Variants in BRD4 observed in about 807,000 individuals in gnomAD.
The protein encoded by BRD4 is bromodomain-containing protein 4.
In BRD4, 16 loss-of-function variants were observed where a neutral mutation model predicts 142.1. The ratio of observed to expected loss-of-function variants is 0.11; its 90% CI spans 0.08 to 0.17. The LOEUF is 0.17. Ranked by LOEUF, BRD4 falls within the 10% of genes least tolerant of loss-of-function variation. The pLI is 1.00. For missense variants in BRD4, 1,424 were observed against 1,810.9 expected, an observed-to-expected ratio of 0.79 and a Z score of 3.88; for synonymous variants, 833 against 707.5, an observed-to-expected ratio of 1.18 and a Z score of -2.82.
At chr19:15,247,350 GAAGT>G (rs1330633483) in intron 11 of BRD4, 1 of 231,958 alleles carries the variant, frequency 4.3e-6, no homozygotes, top group Middle Eastern at 1.3e-3. Context: ...CTGCCAACAA[GAAGT>G]GAGTGGGCAC....
Position 15,257,112 on chromosome 19 carries a change from A to G in BRD4, c.1403T>C (p.Val468Ala), listed in dbSNP as rs1408984890. Residue 468 changes from valine to alanine, a missense_variant, in exon 8 of 20, where the codon GTG becomes GCG. Physicochemically the swap from Val to Ala is moderately conservative, Grantham distance 64 (BLOSUM62 0). Around this residue, in one of 16 missense-constraint regions of BRD4, gnomAD observed 90 missense variants for 93.2 expected, o/e 0.97. Transcript: ENST00000679869. ...PDEPEEPVVA[V>A]SSPAVPPPTK... is the part of the protein sequence containing the mutation. ...GGGAGGGGGCACTGCCGGGGAGGAC[A>G]CGGCCACCACTGGCTCCTCAGGCTC... 8 of 1,609,262 alleles carry G rather than the reference A, an allele frequency of 5.0e-6. No homozygotes were observed. Among genetic ancestry groups the G allele is most frequent in the Admixed American group, 3.3e-5 (2 of 59,882 alleles).
At chr19:15,323,178 TAAAA>T (rs1017018376) in intron 1 of BRD4, among the ~76,000 whole-genome samples, 129 of 73,072 alleles carry the variant, frequency 1.8e-3, no homozygotes, top group African/African-American at 7.3e-3. Flanking sequence ...TCCATCTCTT[TAAAA>T]AAAAAAAAAA....
chr19:15,245,513 G>A (rs1002833110), intron 11 of BRD4, among the ~76,000 whole-genome samples: 1 of 152,176 alleles, frequency 6.6e-6, no homozygotes, highest in African/African-American at 2.4e-5. Flanking sequence ...GCCCCCACTC[G>A]TGTGGGCCGA....
chr19:15,283,895 C>T (rs979550090), intron 1 of BRD4, among the ~76,000 whole-genome samples: 5 of 152,192 alleles, frequency 3.3e-5, no homozygotes, highest in African/African-American at 1.2e-4. Flanking sequence ...ACCCAACACC[C>T]CCACCAGCAA....
chr19:15,255,152 G>T, intron 10 of BRD4, 145 bp downstream of exon 10: 1 of 814,546 alleles, frequency 1.2e-6, no homozygotes, highest in Non-Finnish European at 1.9e-6. Context: ...ACAACCTTTC[G>T]GAGGTTTCTG....
intron 1 of BRD4, among the ~76,000 whole-genome samples, chr19:15,285,348 C>A (rs1479369164): frequency 6.6e-6 from 1 of 152,228 alleles, no homozygotes; most frequent in African/African-American, 2.4e-5. Context: ...AGTTCAGGCC[C>A]AGCCTGGGCA....
At chr19:15,279,875 G>C (rs541936034) in intron 1 of BRD4, among the ~76,000 whole-genome samples, 1 of 152,292 alleles carries the variant, frequency 6.6e-6, no homozygotes, top group African/African-American at 2.4e-5. Context: ...ATTCTGTCTG[G>C]TCTGTTCAGA....
At chr19:15,240,671 C>G (rs1315167669) in intron 14 of BRD4, among the ~76,000 whole-genome samples, 1 of 152,214 alleles carries the variant, frequency 6.6e-6, no homozygotes, top group Admixed American at 6.5e-5. Flanking sequence ...GCATCCAACC[C>G]AAGGCTGGGA....
At chr19:15,269,131 C>G in intron 2 of BRD4, 89 bp from the exon 3 acceptor site, 1 of 1,478,028 alleles carries the variant, frequency 6.8e-7, no homozygotes, top group Non-Finnish European at 9.2e-7. Context: ...GGGACCTCAC[C>G]CCTGGCTGCT....
chr19:15,260,150 C>T (rs1458921164), intron 7 of BRD4, among the ~76,000 whole-genome samples: 5 of 152,238 alleles, frequency 3.3e-5, no homozygotes, highest in African/African-American at 1.2e-4. Context: ...CAGCACACCT[C>T]ACTGGTTTCA....
At chr19:15,330,386 C>A (rs1407199516) in intron 1 of BRD4, among the ~76,000 whole-genome samples, 1 of 152,132 alleles carries the variant, frequency 6.6e-6, no homozygotes, top group Non-Finnish European at 1.5e-5. Flanking sequence ...GGGGGAAGCG[C>A]TTGGTTATCT....
chr19:15,252,661 C>T lies in BRD4; in HGVS notation c.2158+1491G>A, dbSNP rs147287184. On this transcript the variant is annotated intron_variant, in intron 11 of 19. Transcript: ENST00000679869. ...TACAAAAGCAGTGTGGGGAGAGTAA[C>T]GGTTAGAGATGAAAGGGTGAAGGAT... is the stretch of plus-strand genomic sequence containing the variant. Among the ~76,000 whole-genome samples, 967 of 152,254 alleles carry T rather than the reference C, an allele frequency of 6.4e-3. 5 individuals carry two copies. Among genetic ancestry groups the T allele is most frequent in the Admixed American group, 0.015 (236 of 15,300 alleles).
Position 15,264,557 on chromosome 19 carries a change from C to G in BRD4, c.1059G>C (p.Gln353His). 1 of 1,614,232 alleles carries G rather than the reference C, an allele frequency of 6.2e-7. No individual in the cohort carries two copies. ...APEKSSKVSEQLKCCSGILKE... is the reference protein window; with the variant it reads ...APEKSSKVSEHLKCCSGILKE... ...TGAGGATGCCGCTGCAGCACTTGAG[C>G]TGCTCCGAGACCTTGCTGCTCTTCT... Residue 353 changes from glutamine to histidine, a missense_variant, in exon 6 of 20, where the codon CAG becomes CAC. Transcript: ENST00000679869.
intron 11 of BRD4, chr19:15,248,184 A>C (rs2047308293): frequency 1.4e-5 from 3 of 220,384 alleles, no homozygotes; most frequent in Non-Finnish European, 2.7e-5. Context: ...TGGATTTGTG[A>C]CCAAAAAAGG....
intron 1 of BRD4, among the ~76,000 whole-genome samples, chr19:15,328,468 A>G (rs2048128530): frequency 6.6e-6 from 1 of 152,158 alleles, no homozygotes; most frequent in Admixed American, 6.6e-5. Flanking sequence ...AGTGCATGGA[A>G]ACACACTGCA....
chr19:15,272,548 T>G (rs2047600041), intron 2 of BRD4, among the ~76,000 whole-genome samples: 1 of 152,180 alleles, frequency 6.6e-6, no homozygotes, highest in Non-Finnish European at 1.5e-5. Flanking sequence ...CTGTGGGCCT[T>G]CCTTTCTCCC....
chr19:15,324,738 A>G (rs190409613), intron 1 of BRD4, among the ~76,000 whole-genome samples: 101 of 152,282 alleles, frequency 6.6e-4, no homozygotes, highest in South Asian at 1.9e-3. Flanking sequence ...GGTAAGTTAC[A>G]TTTTAGGCTT....
At chr19:15,310,217 T>TTC (rs1338567368) in intron 1 of BRD4, among the ~76,000 whole-genome samples, 2 of 148,834 alleles carry the variant, frequency 1.3e-5, no homozygotes, top group Non-Finnish European at 3.0e-5. Context: ...ACAGTCCTTT[T>TTC]TTTTTTTTTT....
intron 1 of BRD4, among the ~76,000 whole-genome samples, chr19:15,290,182 A>C (rs1407149859): frequency 6.6e-6 from 1 of 152,166 alleles, no homozygotes; most frequent in East Asian, 1.9e-4. Flanking sequence ...GATTAAAAAG[A>C]AGCTCCCATC....
Sources: gnomAD v4.1 joint callset for allele counts (sites outside exome capture counted in the v4.1 genomes callset) on GRCh38, gnomAD v4.1.1 for gene constraint, gnomAD v4.1.1 regional missense constraint, MANE v1.5 for transcripts, NCBI Gene and HGNC (gene_info 2026-07-23, HGNC 2026-07-21) for gene names.